The following NPIPB2 variants were observed in gnomAD, a reference collection of about 807,000 sequenced individuals.
NPIPB2 encodes nuclear pore complex-interacting protein family member B2.
NPIPB2 carries 27 observed loss-of-function variants against 30.8 expected under a neutral mutation model. That is an observed-to-expected ratio of 0.88 (90% CI 0.65 to 1.21). The LOEUF is 1.21. Ranked by LOEUF, NPIPB2 falls within the 50% of genes most tolerant of loss-of-function variation. NPIPB2 has a pLI of 0.00. For synonymous variants in NPIPB2, 147 were observed against 162.0 expected (o/e 0.91, Z 0.70); for missense variants, 440 against 446.2 (o/e 0.99, Z 0.13).
At chr16:11,939,091 A>G (rs1180292830) in intron 1 of NPIPB2, among the ~76,000 whole-genome samples, 2 of 152,094 alleles carry the variant, frequency 1.3e-5, no homozygotes, top group African/African-American at 2.4e-5. Context: ...TTTTAAATTG[A>G]TGTATAACAT....
chr16:11,951,666 A>ACACACACCCACCCC (rs1226047972), intron 1 of NPIPB2, among the ~76,000 whole-genome samples: 1 of 138,874 alleles, frequency 7.2e-6, no homozygotes, highest in Non-Finnish European at 1.6e-5. Flanking sequence ...ACACACACAC[A>ACACACACCCACCCC]CCCAGCCCCC....
intron 1 of NPIPB2, among the ~76,000 whole-genome samples, chr16:11,974,595 G>GA (rs753006946): frequency 6.6e-6 from 1 of 152,054 alleles, no homozygotes; most frequent in African/African-American, 2.4e-5. Context: ...AGGAAAAAAA[G>GA]AAAGTAGAGG....
chr16:11,931,326 A>G (rs1353416377), intron 4 of NPIPB2, among the ~76,000 whole-genome samples: 1 of 142,464 alleles, frequency 7.0e-6, no homozygotes, highest in East Asian at 2.1e-4. Flanking sequence ...CGGCCTAAAA[A>G]GGGTAAGTTT....
intron 2 of NPIPB2, among the ~76,000 whole-genome samples, chr16:11,935,536 A>G (rs954817867): frequency 6.6e-6 from 1 of 151,048 alleles, no homozygotes; most frequent in African/African-American, 2.4e-5. Flanking sequence ...CTGGTCTTGA[A>G]CTCCTGACCT....
intron 1 of NPIPB2, among the ~76,000 whole-genome samples, chr16:11,973,742 T>C (rs989333520): frequency 6.6e-6 from 1 of 151,976 alleles, no homozygotes; most frequent in Non-Finnish European, 1.5e-5. Flanking sequence ...CCTCAGGTGA[T>C]CTGCTTGCCT....
At chr16:11,974,687 C>T (rs1300778523) in intron 1 of NPIPB2, among the ~76,000 whole-genome samples, 2 of 152,116 alleles carry the variant, frequency 1.3e-5, no homozygotes, top group Non-Finnish European at 2.9e-5. Flanking sequence ...ATATAAAATA[C>T]ATTTCTTCAC....
intron 2 of NPIPB2, among the ~76,000 whole-genome samples, chr16:11,934,319 C>T (rs1596490242): frequency 1.3e-5 from 2 of 148,290 alleles, no homozygotes; most frequent in South Asian, 2.2e-4. Context: ...TTTGGGAGGC[C>T]GAGGCAGGCG....
intron 1 of NPIPB2, among the ~76,000 whole-genome samples, chr16:11,951,666 A>ACACACACCCCC (rs1226047972): frequency 7.2e-6 from 1 of 138,874 alleles, no homozygotes; most frequent in East Asian, 2.4e-4. Flanking sequence ...ACACACACAC[A>ACACACACCCCC]CCCAGCCCCC....
Position 11,932,310 on chromosome 16 carries a change from T to C in NPIPB2, c.488+1207A>G, listed in dbSNP as rs867539630. Among the ~76,000 whole-genome samples, 144 of 151,720 alleles carry C rather than the reference T, an allele frequency of 9.5e-4. 2 individuals carry two copies. Among genetic ancestry groups the C allele is most frequent in the African/African-American group, 3.3e-3 (137 of 41,436 alleles). On this transcript the variant is annotated intron_variant, in intron 4 of 7. Coordinates refer to ENST00000399147, the Ensembl canonical transcript of NPIPB2. The stretch of plus-strand genomic sequence containing the variant: ...TATGGCAGCAAAATACAATGTAATA[T>C]GACCAAAACATGAAAGACTGTGAAA...
At chr16:11,930,322 C>T (rs2054774398) in intron 5 of NPIPB2, 128 bp downstream of exon 5, 4 of 902,024 alleles carry the variant, frequency 4.4e-6, no homozygotes, top group Non-Finnish European at 6.7e-6. Flanking sequence ...CTCTCTCTCT[C>T]TCACGATATG....
intron 1 of NPIPB2, among the ~76,000 whole-genome samples, chr16:11,954,732 C>T (rs1016011753): frequency 6.6e-6 from 1 of 151,526 alleles, no homozygotes; most frequent in Non-Finnish European, 1.5e-5. Context: ...ACGGTGAAAC[C>T]CTATCTCTAC....
chr16:11,961,695 G>C (rs1379628371), intron 1 of NPIPB2, among the ~76,000 whole-genome samples: 1 of 151,412 alleles, frequency 6.6e-6, no homozygotes, highest in Non-Finnish European at 1.5e-5. Context: ...CAAGAGAATG[G>C]CTTGAACCTG....
At chr16:11,941,800 C>T (rs2054945832) in intron 1 of NPIPB2, 183 bp downstream of exon 1, 1 of 1,296,160 alleles carries the variant, frequency 7.7e-7, no homozygotes, top group African/African-American at 1.5e-5. Context: ...CTCCCACTCT[C>T]CTCCCAAGGA....
chr16:11,967,661 GGAAGAATGCACCTGT>G, intron 1 of NPIPB2: 1 of 1,614,178 alleles, frequency 6.2e-7, no homozygotes, highest in Non-Finnish European at 8.5e-7. Flanking sequence ...AGTACACGGT[GGAAGAATGCACCTGT>G]GAAGACTGCA....
At position 11,947,322 on chromosome 16, in the gene NPIPB2, T is replaced by TTATTTATATA. The variant is rs144577397; in HGVS notation, c.-583-5209_-583-5208insTATATAAATA. Among the ~76,000 whole-genome samples, 253 of 119,940 alleles carry TTATTTATATA rather than the reference T, an allele frequency of 2.1e-3. 4 individuals carry two copies. The East Asian group carries it at 0.022, about 11-fold the overall frequency. 78.7% of individuals were successfully genotyped at this position (119,940 alleles called of 152,430 possible). ...TTTATTTATTTATTTATTTATTTATTTATATATATATATATTTATTTATTT... is the reference window on the plus strand; with the variant it reads ...TTTATTTATTTATTTATTTATTTATTTATTTATATATATATATATATATATTTATTTATTT... On this transcript the variant is annotated intron_variant, in intron 1 of 5. Coordinates refer to the NPIPB2 transcript ENST00000538896.
At chr16:11,933,152 G>A (rs577339504) in intron 4 of NPIPB2, among the ~76,000 whole-genome samples, 2 of 150,976 alleles carry the variant, frequency 1.3e-5, no homozygotes, top group Admixed American at 1.3e-4. Context: ...TCCCAGCTAC[G>A]TGGGAGGCTG....
chr16:11,964,366 C>T (rs1422897195), intron 1 of NPIPB2, among the ~76,000 whole-genome samples: 2 of 152,026 alleles, frequency 1.3e-5, no homozygotes, highest in Non-Finnish European at 2.9e-5. Flanking sequence ...CTTTTTCTGT[C>T]AGTGGCATTG....
At chr16:11,941,469 G>A (rs1274694307) in intron 1 of NPIPB2, among the ~76,000 whole-genome samples, 1 of 149,378 alleles carries the variant, frequency 6.7e-6, no homozygotes, top group African/African-American at 2.5e-5. Flanking sequence ...AAGAAGAAAG[G>A]GGTCTGGGAA....
intron 1 of NPIPB2, among the ~76,000 whole-genome samples, chr16:11,941,632 C>T (rs996844465): frequency 3.3e-5 from 5 of 151,764 alleles, no homozygotes; most frequent in African/African-American, 9.7e-5. Flanking sequence ...TCCACCAAAC[C>T]TTCTTCGGTC....
Sources: allele counts gnomAD v4.1 joint callset (sites outside exome capture counted in the v4.1 genomes callset), GRCh38; gene constraint gnomAD v4.1.1; transcripts MANE v1.5; gene names NCBI Gene and HGNC (gene_info 2026-07-23, HGNC 2026-07-21).